The following RAB6A variants were observed in gnomAD, a reference collection of about 807,000 sequenced individuals.
RAB6A encodes the protein RAB6A, member RAS oncogene family, also known as ras-related protein Rab-6A.
A neutral mutation model predicts 32.3 loss-of-function variants in RAB6A; 8 were observed. The ratio of observed to expected loss-of-function variants is 0.25; its 90% CI spans 0.15 to 0.45. RAB6A has a LOEUF of 0.45. Ranked by LOEUF, RAB6A falls within the 20% of genes least tolerant of loss-of-function variation. RAB6A has a pLI of 1.00. For missense variants in RAB6A, 104 were observed against 249.4 expected, an observed-to-expected ratio of 0.42 and a Z score of 3.93; for synonymous variants, 73 against 82.1, an observed-to-expected ratio of 0.89 and a Z score of 0.60.
Position 73,677,801 on chromosome 11 carries a change from G to C in RAB6A, c.*97C>G. The C allele has an allele frequency of 6.3e-7, 1 of 1,593,530 alleles. No individual in the cohort carries two copies. The highest frequency in any genetic ancestry group is 8.6e-7 in the Non-Finnish European group (1 of 1,163,392). On this transcript the variant is annotated 3_prime_UTR_variant, in exon 8 of 8. Transcript: ENST00000336083. ...GAATTGCAATACGTTATTACTGAAGGGAAAAGGTTCAAGCCAATATTCACA... is the reference window on the plus strand; with the variant it reads ...GAATTGCAATACGTTATTACTGAAGCGAAAAGGTTCAAGCCAATATTCACA...
intron 1 of RAB6A, among the ~76,000 whole-genome samples, chr11:73,754,397 G>C (rs1946714393): frequency 6.6e-6 from 1 of 152,156 alleles, no homozygotes; most frequent in South Asian, 2.1e-4. Context: ...ATTTTCATAA[G>C]ATTAAGATGT....
intron 1 of RAB6A, among the ~76,000 whole-genome samples, chr11:73,732,440 GC>G (rs1427448208): frequency 6.6e-6 from 1 of 152,090 alleles, no homozygotes; most frequent in African/African-American, 2.4e-5. Context: ...CAAAAAATTA[GC>G]CAGGCGTGGT....
chr11:73,716,446 T>C (rs894975628), intron 4 of RAB6A, 84 bp from the exon 5 acceptor site: 4 of 882,830 alleles, frequency 4.5e-6, no homozygotes, highest in African/African-American at 1.7e-5. Flanking sequence ...AAAAAAGCCC[T>C]GGAAGTTGGA....
chr11:73,708,238 A>G (rs988897059), intron 5 of RAB6A, among the ~76,000 whole-genome samples: 38 of 152,210 alleles, frequency 2.5e-4, no homozygotes, highest in African/African-American at 8.9e-4. Flanking sequence ...GCGCGATCTC[A>G]GCTCACTGCA....
chr11:73,739,284 A>AAAAAAAAAAATATAT (rs1208877325), intron 1 of RAB6A, among the ~76,000 whole-genome samples: 1 of 6,760 alleles, frequency 1.5e-4, no homozygotes, highest in African/African-American at 3.3e-4. Flanking sequence ...AAAAAAAAAA[A>AAAAAAAAAAATATAT]ATATATATAT....
At chr11:73,717,128 A>T (rs1350408612) in intron 4 of RAB6A, among the ~76,000 whole-genome samples, 1 of 152,198 alleles carries the variant, frequency 6.6e-6, no homozygotes, top group African/African-American at 2.4e-5. Context: ...CAGCAACCCA[A>T]AGTAAAGGTG....
intron 3 of RAB6A, 77 bp from the exon 4 acceptor site, chr11:73,718,795 G>A (rs543724163): frequency 3.7e-5 from 60 of 1,612,550 alleles, no homozygotes; most frequent in Non-Finnish European, 4.7e-5. Flanking sequence ...TTGTGATATC[G>A]TAAACTACTA....
At chr11:73,732,324 C>T (rs776387862) in intron 1 of RAB6A, among the ~76,000 whole-genome samples, 1 of 152,108 alleles carries the variant, frequency 6.6e-6, no homozygotes, top group African/African-American at 2.4e-5. Context: ...CGGTGGCTCA[C>T]GCCTGTAATC....
At chr11:73,678,866 C>T (rs2134857075) in intron 7 of RAB6A, among the ~76,000 whole-genome samples, 1 of 151,470 alleles carries the variant, frequency 6.6e-6, no homozygotes, top group Admixed American at 6.6e-5. Context: ...GCTGGGATTA[C>T]AGGCGTGCAC....
At chr11:73,760,450 G>T in intron 1 of RAB6A, 116 bp downstream of exon 1, 2 of 1,354,688 alleles carry the variant, frequency 1.5e-6, no homozygotes, top group Non-Finnish European at 2.0e-6. Context: ...GGGCTGCGGT[G>T]GCAACGAGCG....
intron 1 of RAB6A, among the ~76,000 whole-genome samples, chr11:73,755,275 A>G (rs1239805112): frequency 1.3e-5 from 2 of 151,334 alleles, no homozygotes; most frequent in South Asian, 2.1e-4. Flanking sequence ...TTTCTTTTTC[A>G]ATACAGTAAA....
At chr11:73,722,336 TATA>T in intron 2 of RAB6A, 1 of 8,416 alleles carries the variant, frequency 1.2e-4, no homozygotes, top group African/African-American at 4.0e-4. Context: ...TATATATATA[TATA>T]TATATTTTTT....
chr11:73,693,622 A>G (rs1945611750), intron 6 of RAB6A, among the ~76,000 whole-genome samples: 1 of 144,628 alleles, frequency 6.9e-6, no homozygotes, highest in South Asian at 2.2e-4. Flanking sequence ...GCTGTGGCTT[A>G]TGCATATAAT....
intron 1 of RAB6A, among the ~76,000 whole-genome samples, chr11:73,751,432 C>A (rs1439503681): frequency 6.6e-6 from 1 of 152,116 alleles, no homozygotes; most frequent in African/African-American, 2.4e-5. Context: ...TTTAAACCGA[C>A]AATGGGGAAA....
At chr11:73,740,214 C>CA (rs1175483832) in intron 1 of RAB6A, among the ~76,000 whole-genome samples, 2 of 151,842 alleles carry the variant, frequency 1.3e-5, no homozygotes, top group Non-Finnish European at 2.9e-5. Flanking sequence ...CTTTTTCCCA[C>CA]AAAAAAACAC....
chr11:73,734,427 G>C (rs1946363110), intron 1 of RAB6A, among the ~76,000 whole-genome samples: 1 of 151,808 alleles, frequency 6.6e-6, no homozygotes, highest in Non-Finnish European at 1.5e-5. Context: ...CACCTGGCCA[G>C]TTTATCCAGT....
chr11:73,685,329 C>T (rs1306351783), intron 6 of RAB6A, among the ~76,000 whole-genome samples: 2 of 129,424 alleles, frequency 1.5e-5, no homozygotes, highest in Non-Finnish European at 3.1e-5. Context: ...CGCTCTGTTG[C>T]CCAGGCTGGA....
intron 2 of RAB6A, among the ~76,000 whole-genome samples, chr11:73,727,085 TAAAAC>T (rs1455124904): frequency 6.6e-6 from 1 of 152,086 alleles, no homozygotes; most frequent in African/African-American, 2.4e-5. Context: ...AAGAAAGAAA[TAAAAC>T]AATCAATGTT....
intron 6 of RAB6A, among the ~76,000 whole-genome samples, chr11:73,704,710 A>C (rs889079630): frequency 1.3e-4 from 19 of 149,788 alleles, no homozygotes; most frequent in Non-Finnish European, 5.9e-5. Context: ...TAAAAAATAA[A>C]AATAGTCTGG....
Sources: gnomAD v4.1 joint callset for allele counts (sites outside exome capture counted in the v4.1 genomes callset) on GRCh38, gnomAD v4.1.1 for gene constraint, MANE v1.5 for transcripts, NCBI Gene and HGNC (gene_info 2026-07-23, HGNC 2026-07-21) for gene names.